The following KLF12 variants were observed in gnomAD, a reference collection of about 807,000 sequenced individuals.
KLF12 encodes Krueppel-like factor 12.
KLF12 carries 9 observed loss-of-function variants against 37.8 expected under a neutral mutation model. The observed-to-expected ratio is 0.24, with a 90% CI of 0.14 to 0.42. The LOEUF is 0.42. Ranked by LOEUF, KLF12 falls within the 10% of genes least tolerant of loss-of-function variation. The pLI, the probability that KLF12 is intolerant of heterozygous loss-of-function variation, is 1.00. For missense variants in KLF12, 411 were observed against 516.0 expected, an observed-to-expected ratio of 0.80 and a Z score of 1.97; for synonymous variants, 208 against 202.1, an observed-to-expected ratio of 1.03 and a Z score of -0.25.
chr13:74,120,487 A>G (rs1877566118), intron 1 of KLF12, among the ~76,000 whole-genome samples: 1 of 152,112 alleles, frequency 6.6e-6, no homozygotes, highest in Admixed American at 6.5e-5. Flanking sequence ...CAAAAAAATA[A>G]AAAATAAAAA....
chr13:74,005,852 A>G (rs762683952), intron 1 of KLF12, among the ~76,000 whole-genome samples: 4 of 152,182 alleles, frequency 2.6e-5, no homozygotes, highest in African/African-American at 4.8e-5. Flanking sequence ...ATTTACCCAT[A>G]AGCTTCAAAT....
rs761622207 is a variant in KLF12 at position 73,944,039 on chromosome 13, A to G, written c.65T>C (p.Met22Thr). 51 of 1,612,220 alleles carry G rather than the reference A, an allele frequency of 3.2e-5. No individual in the cohort carries two copies. Among genetic ancestry groups the G allele is most frequent in the Non-Finnish European group, 4.2e-5 (50 of 1,178,918 alleles). The change falls in exon 3 of 8, where the codon ATG (methionine) becomes ACG (threonine). Residue 22 changes from methionine (M) to threonine (T), a missense_variant. Physicochemically the swap from Met to Thr is moderately conservative, Grantham distance 81. Around this residue, in one of 2 missense-constraint regions of KLF12, gnomAD observed 351 missense variants for 397.8 expected, o/e 0.88. Transcript: ENST00000377669. ...TCTGACTGCCGGCATCCCATCAAGC[A>G]TTAACATTCTGTTCTCAAAGGTGTT...
At chr13:73,965,995 CAAT>C (rs1380037341) in intron 2 of KLF12, among the ~76,000 whole-genome samples, 2 of 152,190 alleles carry the variant, frequency 1.3e-5, no homozygotes, top group African/African-American at 4.8e-5. Flanking sequence ...ATGTACCTTT[CAAT>C]CTAGCAATTG....
At chr13:73,810,329 A>C (rs775775338) in intron 5 of KLF12, among the ~76,000 whole-genome samples, 3 of 152,238 alleles carry the variant, frequency 2.0e-5, no homozygotes, top group Non-Finnish European at 4.4e-5. Context: ...ACATTAAAAT[A>C]TACTAATACA....
the KLF12 span, among the ~76,000 whole-genome samples, chr13:74,261,965 AGTGCT>A: frequency 6.6e-6 from 1 of 152,138 alleles, no homozygotes; most frequent in Non-Finnish European, 1.5e-5. Context: ...ACCTTCAGAG[AGTGCT>A]GTGCTGTGCT....
chr13:74,277,390 G>A, the KLF12 span, among the ~76,000 whole-genome samples: 201 of 152,256 alleles, frequency 1.3e-3, 2 homozygotes, highest in African/African-American at 4.8e-3. Flanking sequence ...CCCTCATTCA[G>A]ACACTTGTAA....
At chr13:74,206,322 G>A in the KLF12 span, among the ~76,000 whole-genome samples, 1 of 152,230 alleles carries the variant, frequency 6.6e-6, no homozygotes, top group Non-Finnish European at 1.5e-5. Context: ...TACTCTGGTT[G>A]AATTTGTTAT....
intron 6 of KLF12, among the ~76,000 whole-genome samples, chr13:73,739,190 T>G (rs901298565): frequency 1.3e-5 from 2 of 151,602 alleles, no homozygotes; most frequent in African/African-American, 4.9e-5. Context: ...GCCGAGACTG[T>G]GCCACTACAC....
chr13:73,925,484 A>C (rs1339539949), intron 3 of KLF12, among the ~76,000 whole-genome samples: 1 of 152,238 alleles, frequency 6.6e-6, no homozygotes, highest in Non-Finnish European at 1.5e-5. Context: ...ACTATTCAGA[A>C]CACAAGATTC....
chr13:73,873,878 T>C (rs1463159869), intron 3 of KLF12, among the ~76,000 whole-genome samples: 1 of 152,170 alleles, frequency 6.6e-6, no homozygotes, highest in Non-Finnish European at 1.5e-5. Flanking sequence ...AGTGTTTAAA[T>C]TAAGAAGGCC....
chr13:73,940,678 G>A (rs893093433), intron 3 of KLF12, among the ~76,000 whole-genome samples: 19 of 152,142 alleles, frequency 1.2e-4, no homozygotes, highest in Admixed American at 2.0e-4. Context: ...TTCACCATGT[G>A]CCAGAAACTA....
In KLF12 at chr13:73,761,234, G is replaced by T. The variant is rs141216313; in HGVS notation, c.869+3704C>A. On this transcript the variant is annotated intron_variant, in intron 6 of 7. Coordinates refer to ENST00000377669, the MANE Select transcript of KLF12 (RefSeq NM_007249.5). ...TAGATTTTTTCTGGCATTACTGTAT[G>T]CAAGAAAGAGTGGCAAATATTCTAA... 5.4e-3 allele frequency among the ~76,000 whole-genome samples: 815 copies of T among 152,258 alleles called. 7 individuals are homozygous for T. The highest frequency in any genetic ancestry group is 9.4e-3 in the Non-Finnish European group (636 of 68,010).
chr13:73,694,901 G>A lies in KLF12; in HGVS notation c.*589C>T, dbSNP rs1164333025. ...GGCATGGCAGAATGACAAGTTGAGA[G>A]TGATATCTAGTGGCTGCCATCGCGA... On this transcript the variant is annotated 3_prime_UTR_variant, in exon 8 of 8. Transcript: ENST00000377669. The A allele has an allele frequency of 6.5e-6, 1 of 152,674 alleles. No homozygotes were observed. Among genetic ancestry groups the A allele is most frequent in the Non-Finnish European group, 1.5e-5 (1 of 68,064 alleles). The allele number at this position is 152,674 out of a possible 1,614,324, so 9.5% of individuals were successfully genotyped here.
chr13:74,181,723 A>C, the KLF12 span, among the ~76,000 whole-genome samples: 1 of 151,780 alleles, frequency 6.6e-6, no homozygotes, highest in Non-Finnish European at 1.5e-5. Flanking sequence ...AAAAAAAAAA[A>C]AAAAGGAAAA....
chr13:73,886,762 C>A (rs543861102), intron 3 of KLF12, among the ~76,000 whole-genome samples: 3 of 152,218 alleles, frequency 2.0e-5, no homozygotes, highest in South Asian at 2.1e-4. Context: ...GAGGCCGAGG[C>A]GAGCGGATCA....
intron 5 of KLF12, among the ~76,000 whole-genome samples, chr13:73,805,486 A>G (rs1287432443): frequency 2.6e-5 from 4 of 151,828 alleles, no homozygotes; most frequent in Admixed American, 2.0e-4. Flanking sequence ...GCCTCACGGC[A>G]CACACTTGTA....
chr13:74,027,734 GT>G (rs1893013221), intron 1 of KLF12, among the ~76,000 whole-genome samples: 2 of 152,232 alleles, frequency 1.3e-5, no homozygotes, highest in Non-Finnish European at 2.9e-5. Flanking sequence ...ACATTTTAAA[GT>G]TTTTTGGCCT....
At chr13:73,981,129 C>T (rs1891678989) in intron 2 of KLF12, among the ~76,000 whole-genome samples, 1 of 152,150 alleles carries the variant, frequency 6.6e-6, no homozygotes, top group Admixed American at 6.5e-5. Context: ...CACTGCACTC[C>T]AGCCTGGGAG....
chr13:73,851,670 T>C (rs1266623496), intron 3 of KLF12, among the ~76,000 whole-genome samples: 4 of 152,208 alleles, frequency 2.6e-5, no homozygotes, highest in African/African-American at 9.6e-5. Flanking sequence ...TACAGGAGCA[T>C]ATTTGTTTCT....
Sources: allele counts gnomAD v4.1 joint callset (sites outside exome capture counted in the v4.1 genomes callset), GRCh38; gene constraint gnomAD v4.1.1; regional missense constraint gnomAD v4.1.1; transcripts MANE v1.5; gene names NCBI Gene and HGNC (gene_info 2026-07-23, HGNC 2026-07-21).